The following PRR16 variants were observed in gnomAD, a reference collection of about 807,000 sequenced individuals.
The protein encoded by PRR16 is proline rich 16.
PRR16 carries 6 observed loss-of-function variants against 18.2 expected under a neutral mutation model. The ratio of observed to expected loss-of-function variants is 0.33; its 90% CI spans 0.18 to 0.65. PRR16 has a LOEUF of 0.65. Among genes scored for constraint, PRR16 ranks in the 30% least tolerant of loss-of-function variants. PRR16 has a pLI of 0.74. For missense variants in PRR16, 412 were observed against 376.6 expected (o/e 1.09, Z -0.78); for synonymous variants, 151 against 147.8 (o/e 1.02, Z -0.16).
chr5:120,684,205 TA>T (rs1355100692), intron 1 of PRR16, among the ~76,000 whole-genome samples: 1 of 152,248 alleles, frequency 6.6e-6, no homozygotes, highest in African/African-American at 2.4e-5. Flanking sequence ...TAGAAAATAC[TA>T]GAAGAAATTT....
the PRR16 span, among the ~76,000 whole-genome samples, chr5:120,762,682 T>C: frequency 6.6e-6 from 1 of 152,144 alleles, no homozygotes. Context: ...TTCTAGATAT[T>C]GTTCCTTGTC....
the PRR16 span, among the ~76,000 whole-genome samples, chr5:120,765,822 G>A: frequency 6.6e-6 from 1 of 151,886 alleles, no homozygotes; most frequent in African/African-American, 2.4e-5. Context: ...TAATCCCACT[G>A]TTTAGTTTTG....
chr5:120,754,220 AT>A, the PRR16 span, among the ~76,000 whole-genome samples: 89 of 63,938 alleles, frequency 1.4e-3, 1 homozygote, highest in Non-Finnish European at 2.0e-3. Flanking sequence ...ATATATTATA[AT>A]ATATAATATA....
the PRR16 span, among the ~76,000 whole-genome samples, chr5:120,702,950 G>A: frequency 1.6e-4 from 25 of 152,118 alleles, no homozygotes; most frequent in Admixed American, 9.2e-4. Context: ...TCCGAGTCAC[G>A]GCACTAAATT....
At chr5:120,566,602 C>T (rs1265391981) in intron 1 of PRR16, among the ~76,000 whole-genome samples, 2 of 149,880 alleles carry the variant, frequency 1.3e-5, no homozygotes, top group Non-Finnish European at 3.0e-5. Flanking sequence ...TTCAGAATAT[C>T]AATTTATCCA....
chr5:120,609,314 T>C (rs1206926378), intron 1 of PRR16, among the ~76,000 whole-genome samples: 1 of 152,058 alleles, frequency 6.6e-6, no homozygotes, highest in Non-Finnish European at 1.5e-5. Context: ...CCAAACAATT[T>C]TTATCACCCC....
the PRR16 span, among the ~76,000 whole-genome samples, chr5:120,791,617 A>ATCTATCTATCTC: frequency 6.7e-6 from 1 of 149,192 alleles, no homozygotes; most frequent in African/African-American, 2.5e-5. Context: ...CTATCTATCT[A>ATCTATCTATCTC]TCTATCCATC....
At chr5:120,524,089 A>G (rs181639311) in intron 1 of PRR16, among the ~76,000 whole-genome samples, 43 of 152,288 alleles carry the variant, frequency 2.8e-4, no homozygotes, top group African/African-American at 8.7e-4. Flanking sequence ...TTCAACGTAC[A>G]GATGAGGAAA....
chr5:120,615,895 T>C (rs553133223), intron 1 of PRR16, among the ~76,000 whole-genome samples: 2 of 152,312 alleles, frequency 1.3e-5, no homozygotes, highest in Non-Finnish European at 2.9e-5. Flanking sequence ...TTATTGACTA[T>C]ATTCATGTGT....
chr5:120,543,353 G>A (rs1434801438), intron 1 of PRR16, among the ~76,000 whole-genome samples: 2 of 152,076 alleles, frequency 1.3e-5, no homozygotes, highest in African/African-American at 4.8e-5. Context: ...AACTGATGCA[G>A]TAATTTTATG....
rs144879690 is a variant in PRR16, at chr5:120,578,753, G to T, written c.160-107201G>T. Among the ~76,000 whole-genome samples the T allele has an allele frequency of 8.1e-3, 1,240 of 152,232 alleles. 24 individuals are homozygous for T. Among genetic ancestry groups the T allele is most frequent in the African/African-American group, 0.028 (1,150 of 41,532 alleles). ...AGTAGAATGATTTATATTCCTTTGG[G>T]TATATAGACAATAATGGGATTGCTG... On this transcript the variant is annotated intron_variant, in intron 1 of 1. Coordinates refer to ENST00000407149, the MANE Select transcript of PRR16 (RefSeq NM_001300783.2).
rs190657127 is a variant in PRR16, at chr5:120,606,353, A to G, written c.160-79601A>G. ...TTTTTGACTATTTGACTTATATAAA[A>G]GAAATTTCCCACACATTAGTCATTT... On this transcript the variant is annotated intron_variant, in intron 1 of 1. Coordinates refer to ENST00000407149, the MANE Select transcript of PRR16 (RefSeq NM_001300783.2). Among the ~76,000 whole-genome samples, 715 of 152,268 alleles carry G rather than the reference A, an allele frequency of 4.7e-3. 2 individuals carry two copies. Among genetic ancestry groups the G allele is most frequent in the South Asian group, 0.014 (69 of 4,830 alleles).
At chr5:120,715,652 TAAAAC>T in the PRR16 span, among the ~76,000 whole-genome samples, 4 of 152,202 alleles carry the variant, frequency 2.6e-5, no homozygotes, top group Admixed American at 6.5e-5. Context: ...ATTATCATGT[TAAAAC>T]AAAGCAAGTA....
chr5:120,570,145 T>G (rs2112733682), intron 1 of PRR16, among the ~76,000 whole-genome samples: 1 of 152,122 alleles, frequency 6.6e-6, no homozygotes, highest in South Asian at 2.1e-4. Context: ...GGTTGATAAA[T>G]TACATAGAAG....
intron 1 of PRR16, among the ~76,000 whole-genome samples, chr5:120,612,464 G>A (rs545209128): frequency 2.0e-5 from 3 of 152,282 alleles, no homozygotes; most frequent in Admixed American, 6.5e-5. Flanking sequence ...GACAGGGGAA[G>A]GTAATTGAAT....
rs752476849 is a variant in PRR16, at chr5:120,686,522, A to G, written c.728A>G (p.Lys243Arg). 3 of 1,613,866 alleles carry G rather than the reference A, an allele frequency of 1.9e-6. No individual in the cohort carries two copies. The highest frequency in any genetic ancestry group is 2.5e-6 in the Non-Finnish European group (3 of 1,179,912). ...AGTGAACCTGTCCACCCACCGGGAA[A>G]GATTCCTCACCAAGGCCCTCCCCTC... ...LHSEPVHPPG[K>R]IPHQGPPLPP... is the part of the protein sequence containing the mutation. Residue 243 changes from lysine (K) to arginine (R), a missense_variant, in exon 2 of 2, where the codon AAG becomes AGG. Lys to Arg is a conservative substitution (Grantham distance 26, BLOSUM62 2). Coordinates refer to ENST00000407149, the MANE Select transcript of PRR16 (RefSeq NM_001300783.2).
At chr5:120,664,718 T>A (rs1006237230) in intron 1 of PRR16, among the ~76,000 whole-genome samples, 1 of 151,722 alleles carries the variant, frequency 6.6e-6, no homozygotes, top group Non-Finnish European at 1.5e-5. Flanking sequence ...TTTGGTTTTT[T>A]GTCCTTGCGA....
the PRR16 span, among the ~76,000 whole-genome samples, chr5:120,699,271 G>C: frequency 6.6e-6 from 1 of 152,218 alleles, no homozygotes; most frequent in Non-Finnish European, 1.5e-5. Flanking sequence ...AGGCGGGCTA[G>C]TGGCTTGTAC....
chr5:120,588,027 G>A (rs1753505206), intron 1 of PRR16, among the ~76,000 whole-genome samples: 1 of 152,172 alleles, frequency 6.6e-6, no homozygotes, highest in Non-Finnish European at 1.5e-5. Context: ...ACTTTGAGAG[G>A]TTAAAGACTT....
Sources: gnomAD v4.1 joint callset for allele counts (sites outside exome capture counted in the v4.1 genomes callset) on GRCh38, gnomAD v4.1.1 for gene constraint, MANE v1.5 for transcripts, NCBI Gene and HGNC (gene_info 2026-07-23, HGNC 2026-07-21) for gene names.